Variants in ANXA6 observed in about 807,000 individuals in gnomAD.
ANXA6 encodes annexin A6.
In ANXA6, 71 loss-of-function variants were observed where a neutral mutation model predicts 95.4. The ratio of observed to expected loss-of-function variants is 0.74; its 90% CI spans 0.61 to 0.91. The LOEUF is 0.91. ANXA6 is among the 40% of genes least tolerant of loss of function. The probability of loss-of-function intolerance (pLI) is 0.00; values close to 1 mark genes in which losing one functional copy is unlikely to be tolerated. For missense variants in ANXA6, 830 were observed against 876.4 expected (o/e 0.95, Z 0.67); for synonymous variants, 289 against 315.9 (o/e 0.91, Z 0.90).
intron 2 of ANXA6, among the ~76,000 whole-genome samples, chr5:151,145,305 G>T (rs1765945131): frequency 6.6e-6 from 1 of 152,232 alleles, no homozygotes; most frequent in Non-Finnish European, 1.5e-5. Flanking sequence ...GCCTTGGCCG[G>T]TGCTGACCTA....
chr5:151,128,003 A>T (rs1374177766), intron 13 of ANXA6, among the ~76,000 whole-genome samples, 178 bp downstream of exon 13: 1 of 152,122 alleles, frequency 6.6e-6, no homozygotes, highest in Non-Finnish European at 1.5e-5. Flanking sequence ...ACACTCTCAG[A>T]CACACAGACC....
Position 151,137,660 on chromosome 5 carries a change from G to A in ANXA6, c.319-339C>T, listed in dbSNP as rs894665692. Among the ~76,000 whole-genome samples the A allele has an allele frequency of 2.0e-5, 3 of 152,236 alleles. No homozygotes were observed. The South Asian group carries it at 6.2e-4, about 32-fold the overall frequency. On this transcript the variant is annotated intron_variant, in intron 5 of 25. Transcript: ENST00000354546. Reference sequence around the variant, plus strand: ...CGATCGTAAGTTCTTGTGAGATCTGGTTGTTTAAAAGTATGTAGCACTTCC... The same window carrying A: ...CGATCGTAAGTTCTTGTGAGATCTGATTGTTTAAAAGTATGTAGCACTTCC...
At chr5:151,138,609 T>C (rs1191264821) in intron 5 of ANXA6, 69 bp downstream of exon 5, 4 of 1,164,226 alleles carry the variant, frequency 3.4e-6, no homozygotes, top group African/African-American at 3.0e-5. Flanking sequence ...CAGTTGCTTT[T>C]GGAAGAGCCC....
chr5:151,157,298 TTGAC>T (rs1190835965), intron 1 of ANXA6, among the ~76,000 whole-genome samples: 17 of 152,200 alleles, frequency 1.1e-4, no homozygotes, highest in African/African-American at 4.1e-4. Flanking sequence ...TGCGGGTCCT[TTGAC>T]TGGCGTCCAG....
At chr5:151,126,747 G>A (rs1312202688) in intron 13 of ANXA6, among the ~76,000 whole-genome samples, 2 of 151,902 alleles carry the variant, frequency 1.3e-5, no homozygotes, top group African/African-American at 4.8e-5. Flanking sequence ...ACGGAGTTTT[G>A]CTCTTGTCAC....
intron 14 of ANXA6, 108 bp downstream of exon 14, chr5:151,126,294 T>G: frequency 1.2e-6 from 1 of 864,236 alleles, no homozygotes. Context: ...AGAATCAACG[T>G]GTCGGGTTGG....
chr5:151,101,736 C>T (rs1229984651), intron 25 of ANXA6, among the ~76,000 whole-genome samples: 2 of 152,276 alleles, frequency 1.3e-5, no homozygotes. Flanking sequence ...CTTCAAGGCC[C>T]TTTGGGATCT....
intron 18 of ANXA6, among the ~76,000 whole-genome samples, 190 bp downstream of exon 18, chr5:151,119,110 C>T (rs978805595): frequency 2.6e-5 from 4 of 152,192 alleles, no homozygotes; most frequent in Non-Finnish European, 5.9e-5. Flanking sequence ...TACCTCCAGG[C>T]CTTTGTCCTA....
intron 13 of ANXA6, 53 bp from the exon 14 acceptor site, chr5:151,126,533 C>A: frequency 7.7e-7 from 1 of 1,295,754 alleles, no homozygotes; most frequent in Non-Finnish European, 1.1e-6. Context: ...TCATGGGCAA[C>A]ACTCACACCA....
intron 19 of ANXA6, 111 bp from the exon 20 acceptor site, chr5:151,117,291 G>C: frequency 8.9e-7 from 1 of 1,121,846 alleles, no homozygotes; most frequent in Middle Eastern, 2.1e-4. Context: ...TTCCTCATCA[G>C]CTACACAGGG....
intron 1 of ANXA6, among the ~76,000 whole-genome samples, chr5:151,153,313 C>T (rs1016601881): frequency 2.0e-5 from 3 of 152,218 alleles, no homozygotes; most frequent in Non-Finnish European, 4.4e-5. Context: ...TAAGGTCAGC[C>T]CTTAGAGATT....
intron 23 of ANXA6, among the ~76,000 whole-genome samples, chr5:151,107,278 C>T (rs1343866516): frequency 1.3e-5 from 2 of 152,242 alleles, no homozygotes; most frequent in Non-Finnish European, 2.9e-5. Flanking sequence ...TAATTTCAGC[C>T]TCACAAAATC....
intron 2 of ANXA6, 145 bp from the exon 3 acceptor site, chr5:151,140,388 A>T: frequency 1.4e-6 from 1 of 692,736 alleles, no homozygotes; most frequent in South Asian, 1.7e-5. Context: ...CACCCTGGGG[A>T]GCGGTGTGGA....
At chr5:151,129,189 C>T (rs898770270) in intron 12 of ANXA6, among the ~76,000 whole-genome samples, 4 of 152,254 alleles carry the variant, frequency 2.6e-5, no homozygotes, top group Non-Finnish European at 2.9e-5. Flanking sequence ...CAGCCCCTGC[C>T]TCCTTCTGTA....
intron 22 of ANXA6, among the ~76,000 whole-genome samples, 182 bp from the exon 23 acceptor site, chr5:151,108,732 C>T (rs1164991474): frequency 6.6e-6 from 1 of 152,264 alleles, no homozygotes; most frequent in Non-Finnish European, 1.5e-5. Context: ...GAAGCTCTGA[C>T]ATCAAGGCTG....
At chr5:151,147,998 C>T (rs1766013996) in intron 1 of ANXA6, 72 bp from the exon 2 acceptor site, 1 of 1,431,740 alleles carries the variant, frequency 7.0e-7, no homozygotes, top group African/African-American at 1.4e-5. Flanking sequence ...CTTACATTTC[C>T]TCCCTCTGCT....
chr5:151,103,649 G>A lies in ANXA6; in HGVS notation c.1883C>T (p.Ser628Phe). Residue 628 changes from serine to phenylalanine, a missense_variant, in exon 25 of 26, where the codon TCC becomes TTC. By Grantham distance (155) the Ser-to-Phe change is radical. Coordinates refer to ENST00000354546, the MANE Select transcript of ANXA6 (RefSeq NM_001155.5). ...DEKTLTRIMV[S>F]RSEIDLLNIR... Reference sequence around the variant, plus strand: ...GTTGAGCAGGTCAATCTCACTGCGGGATACCATGATCCTGGTCAGAGTCTT... The same window carrying A: ...GTTGAGCAGGTCAATCTCACTGCGGAATACCATGATCCTGGTCAGAGTCTT... 1.2e-6 allele frequency: 2 copies of A among 1,611,182 alleles called. No homozygotes were observed. The highest frequency in any genetic ancestry group is 8.5e-7 in the Non-Finnish European group (1 of 1,178,722).
chr5:151,126,454 G>C lies in ANXA6; in HGVS notation c.1004C>G (p.Ala335Gly). The C allele has an allele frequency of 1.2e-6, 2 of 1,610,634 alleles. No individual in the cohort carries two copies. Among genetic ancestry groups the C allele is most frequent in the Non-Finnish European group, 1.7e-6 (2 of 1,178,516 alleles). Residue 335 changes from alanine (A) to glycine (G), a missense_variant, in exon 14 of 26, where the codon GCA becomes GGA. Physicochemically the swap from Ala to Gly is moderately conservative, Grantham distance 60. Coordinates refer to ENST00000354546, the MANE Select transcript of ANXA6 (RefSeq NM_001155.5). ...CCACATCTGATAGGCCACCTGCGCT[G>C]CCTCCGGGAAGAACTGGCCAGCAGC... ...DDAAGQFFPE[A>G]AQVAYQMWEL... is the part of the protein sequence containing the mutation.
chr5:151,113,599 C>T lies in ANXA6; in HGVS notation c.1573-2955G>A, dbSNP rs187657650. On this transcript the variant is annotated intron_variant, in intron 20 of 25. Transcript: ENST00000354546. ...CGCGGGTCAGAGTACCCTAGACATA[C>T]TCGGTTTTTCAAAGCATCTTTAAGA... Among the ~76,000 whole-genome samples the T allele has an allele frequency of 1.3e-3, 191 of 152,144 alleles. 2 individuals are homozygous for T. Among genetic ancestry groups the T allele is most frequent in the African/African-American group, 4.2e-3 (176 of 41,482 alleles).
Sources: allele counts gnomAD v4.1 joint callset (sites outside exome capture counted in the v4.1 genomes callset), GRCh38; gene constraint gnomAD v4.1.1; transcripts MANE v1.5; gene names NCBI Gene and HGNC (gene_info 2026-07-23, HGNC 2026-07-21).